The following TTC17 variants were observed in gnomAD, a reference collection of about 807,000 sequenced individuals.
TTC17 encodes tetratricopeptide repeat domain 17, also known as tetratricopeptide repeat protein 17.
Under a neutral mutation model 143.8 loss-of-function variants are expected in TTC17, and 58 were observed. That is an observed-to-expected ratio of 0.40 (90% CI 0.33 to 0.50). TTC17 has a LOEUF of 0.50. Ranked by LOEUF, TTC17 falls within the 20% of genes least tolerant of loss-of-function variation. The pLI, the probability that TTC17 is intolerant of heterozygous loss-of-function variation, is 0.49. For synonymous variants in TTC17, 501 were observed against 497.8 expected (o/e 1.01, Z -0.09); for missense variants, 1,273 against 1,392.5 (o/e 0.91, Z 1.37).
chr11:43,363,392 A>T (rs1428545716), intron 1 of TTC17, among the ~76,000 whole-genome samples: 2 of 152,210 alleles, frequency 1.3e-5, no homozygotes, highest in African/African-American at 4.8e-5. Context: ...TATATGTTCC[A>T]TGCTCTAGGT....
At chr11:43,389,966 T>C (rs995475573) in intron 3 of TTC17, 145 bp downstream of exon 3, 1 of 633,754 alleles carries the variant, frequency 1.6e-6, no homozygotes, top group African/African-American at 1.9e-5. Context: ...ATACTACATG[T>C]AGAATTCTTA....
chr11:43,461,210 C>T (rs1004785796), intron 21 of TTC17, among the ~76,000 whole-genome samples: 1 of 151,854 alleles, frequency 6.6e-6, no homozygotes, highest in Admixed American at 6.6e-5. Context: ...AGGTGAAACC[C>T]CGCCTCTACT....
intron 21 of TTC17, among the ~76,000 whole-genome samples, chr11:43,476,740 T>A (rs188761820): frequency 6.6e-6 from 1 of 152,266 alleles, no homozygotes; most frequent in East Asian, 1.9e-4. Context: ...ACAAAACCAC[T>A]TTTTCCTCCT....
rs368934799 is a variant in TTC17, at chr11:43,397,901, CGTGTGTGTGTGTGTGTGT to C, written c.919-40_919-23del. 1,790 of 1,253,232 alleles carry C rather than the reference CGTGTGTGTGTGTGTGTGT, an allele frequency of 1.4e-3. 8 individuals carry two copies. In the African/African-American group the frequency reaches 0.016, roughly 11 times the overall value. 77.6% of individuals were successfully genotyped at this position (1,253,232 alleles called of 1,614,324 possible). ...AGGCCGTGGCTAACATTTTTTTTTC[CGTGTGTGTGTGTGTGTGT>C]GTGTGTGTGTGTGTGTGTGTGTGTG... On this transcript the variant is annotated intron_variant, in intron 7 of 23. Transcript: ENST00000039989.
chr11:43,378,973 A>G (rs1232565722), intron 1 of TTC17: 3 of 387,296 alleles, frequency 7.7e-6, no homozygotes, highest in East Asian at 6.0e-5. Context: ...CTTCTTTACT[A>G]TTATATCACC....
intron 21 of TTC17, among the ~76,000 whole-genome samples, chr11:43,488,674 A>AG (rs1294640997): frequency 3.9e-5 from 6 of 152,086 alleles, no homozygotes; most frequent in Non-Finnish European, 8.8e-5. Flanking sequence ...AAAATTCTGT[A>AG]GGGGAAATGG....
intron 16 of TTC17, among the ~76,000 whole-genome samples, chr11:43,440,786 G>A (rs1046073591): frequency 1.3e-5 from 2 of 151,908 alleles, no homozygotes; most frequent in Non-Finnish European, 2.9e-5. Context: ...AATCCTCTTC[G>A]TGACTTTCCC....
At position 43,450,215 on chromosome 11, in the gene TTC17, T is replaced by A; in HGVS notation, c.2920T>A (p.Tyr974Asn). 1 of 1,614,070 alleles carries A rather than the reference T, an allele frequency of 6.2e-7. No homozygotes were observed. Among genetic ancestry groups the A allele is most frequent in the Non-Finnish European group, 8.5e-7 (1 of 1,179,972 alleles). Residue 974 changes from tyrosine (Y) to asparagine (N), a missense_variant, in exon 20 of 24, where the codon TAC becomes AAC. Physicochemically the swap from Tyr to Asn is moderately radical, Grantham distance 143. Around this residue, in one of 3 missense-constraint regions of TTC17, gnomAD observed 878 missense variants for 899.8 expected, o/e 0.98. Transcript: ENST00000039989. ...HGVSNRASLH[Y>N]TGESQLTEVL... ...GGTTTCCAACCGAGCCAGCCTGCAC[T>A]ACACAGGGGAGAGTCAGTTAACAGA...
chr11:43,463,189 C>T (rs751413924), intron 21 of TTC17, among the ~76,000 whole-genome samples: 3 of 152,090 alleles, frequency 2.0e-5, no homozygotes, highest in African/African-American at 4.8e-5. Flanking sequence ...GCTGGGATTA[C>T]AGCTGTAAGC....
chr11:43,358,977 G>A lies in TTC17; in HGVS notation c.23G>A (p.Arg8His). 2 of 1,579,800 alleles carry A rather than the reference G, an allele frequency of 1.3e-6. No homozygotes were observed. Among genetic ancestry groups the A allele is most frequent in the East Asian group, 2.4e-5 (1 of 40,822 alleles). Residue 8 changes from arginine to histidine, a missense_variant, in exon 1 of 24, where the codon CGT becomes CAT. Coordinates refer to ENST00000039989, the MANE Select transcript of TTC17 (RefSeq NM_018259.6). ...AAGATGGCGGCGGCAGTAGGGGTTC[G>A]TGGCCGGTACGAGCTGCCGCCTTGC... MAAAVGV[R>H]GRYELPPCSG...
intron 1 of TTC17, among the ~76,000 whole-genome samples, chr11:43,360,319 A>G (rs1235262836): frequency 1.3e-5 from 2 of 152,236 alleles, no homozygotes; most frequent in African/African-American, 4.8e-5. Flanking sequence ...TATATGACAT[A>G]CATAAAGAAC....
rs747895188 is a variant in TTC17, at chr11:43,493,942, C to CT, written c.*39dup. On this transcript the variant is annotated 3_prime_UTR_variant, in exon 24 of 24. Transcript: ENST00000039989. ...TTCTCTCTTTCTCTTTACTCATGCT[C>CT]TAAAAAAAAAGAATAAGAAAAGAAA... is the stretch of plus-strand genomic sequence containing the variant. 3 of 1,518,656 alleles carry CT rather than the reference C, an allele frequency of 2.0e-6. No individual in the cohort carries two copies. The highest frequency in any genetic ancestry group is 1.8e-4 in the Middle Eastern group (1 of 5,598). The allele number at this position is 1,518,656 out of a possible 1,614,324, so 94.1% of individuals were successfully genotyped here.
chr11:43,431,234 C>G (rs545983792), intron 16 of TTC17, among the ~76,000 whole-genome samples: 1 of 152,112 alleles, frequency 6.6e-6, no homozygotes, highest in Non-Finnish European at 1.5e-5. Context: ...AGTAAACATA[C>G]GTGTGCATGT....
chr11:43,383,403 G>T (rs1054690661), intron 2 of TTC17, among the ~76,000 whole-genome samples: 5 of 152,162 alleles, frequency 3.3e-5, no homozygotes, highest in African/African-American at 1.2e-4. Context: ...CCAGGCTGGG[G>T]TGCGATGGCG....
chr11:43,395,705 AT>A (rs561093944), intron 5 of TTC17, among the ~76,000 whole-genome samples: 35 of 152,228 alleles, frequency 2.3e-4, no homozygotes, highest in Non-Finnish European at 2.2e-4. Flanking sequence ...GATTGTACTT[AT>A]TGTAGTCTTA....
chr11:43,410,360 T>G (rs1858353701), intron 15 of TTC17, among the ~76,000 whole-genome samples: 1 of 152,228 alleles, frequency 6.6e-6, no homozygotes, highest in South Asian at 2.1e-4. Context: ...TGATTTCTAT[T>G]GTTAGATTTC....
intron 18 of TTC17, among the ~76,000 whole-genome samples, chr11:43,445,498 A>G (rs1947521453): frequency 6.6e-6 from 1 of 152,180 alleles, no homozygotes; most frequent in Non-Finnish European, 1.5e-5. Context: ...ATATTTTACA[A>G]TAAGCCTATA....
In TTC17 at chr11:43,407,120, T is replaced by C; in HGVS notation, c.1762-18T>C. 2 of 1,526,326 alleles carry C rather than the reference T, an allele frequency of 1.3e-6. No homozygotes were observed. Among genetic ancestry groups the C allele is most frequent in the Non-Finnish European group, 1.8e-6 (2 of 1,129,194 alleles). The allele number at this position is 1,526,326 out of a possible 1,614,324, so 94.5% of individuals were successfully genotyped here. ...CCTGTTATTTTCAATTGAGTCAGTC[T>C]TCCTTTTGATGTTTCAGATTTTGCT... is the stretch of plus-strand genomic sequence containing the variant. On this transcript the variant is annotated intron_variant, in intron 13 of 23. Coordinates refer to ENST00000039989, the MANE Select transcript of TTC17 (RefSeq NM_018259.6).
chr11:43,391,478 A>C lies in TTC17; in HGVS notation c.433A>C (p.Ile145Leu), dbSNP rs12099204. Residue 145 changes from isoleucine to leucine, a missense_variant, in exon 4 of 24, where the codon ATA becomes CTA. Physicochemically the swap from Ile to Leu is conservative, Grantham distance 5. Transcript: ENST00000039989. ...TTTTGATTTTAGTCCTGAAGATTAT[A>C]TAGACACAGAATCTCCTGTCCCTCC... is the stretch of plus-strand genomic sequence containing the variant. ...ESKDISPEDY[I>L]DTESPVPPDP... 28,722 of 1,593,438 alleles carry C rather than the reference A, an allele frequency of 0.018. 4,566 individuals carry two copies. In the African/African-American group the frequency reaches 0.34, roughly 19 times the overall value.
Sources: allele counts gnomAD v4.1 joint callset (sites outside exome capture counted in the v4.1 genomes callset), GRCh38; gene constraint gnomAD v4.1.1; regional missense constraint gnomAD v4.1.1; transcripts MANE v1.5; gene names NCBI Gene and HGNC (gene_info 2026-07-23, HGNC 2026-07-21).